The following MPZL1 variants were observed in gnomAD, a reference collection of about 807,000 sequenced individuals.
The protein encoded by MPZL1 is myelin protein zero like 1, also known as myelin protein zero-like protein 1.
Under a neutral mutation model 29.3 loss-of-function variants are expected in MPZL1, and 16 were observed. That is an observed-to-expected ratio of 0.55 (90% CI 0.37 to 0.83). MPZL1 has a LOEUF of 0.83. MPZL1 is among the 40% of genes least tolerant of loss of function. The probability of loss-of-function intolerance (pLI) is 0.00; values close to 1 mark genes in which losing one functional copy is unlikely to be tolerated. For synonymous variants in MPZL1, 143 were observed against 132.0 expected (o/e 1.08, Z -0.57); for missense variants, 279 against 332.9 (o/e 0.84, Z 1.26).
intron 5 of MPZL1, among the ~76,000 whole-genome samples, chr1:167,783,448 T>C (rs1661533894): frequency 6.6e-6 from 1 of 152,278 alleles, no homozygotes; most frequent in South Asian, 2.1e-4. Context: ...ATATCGTTGA[T>C]GCTCTGTATG....
chr1:167,763,224 C>T (rs1194215283), intron 1 of MPZL1, among the ~76,000 whole-genome samples: 1 of 152,044 alleles, frequency 6.6e-6, no homozygotes, highest in African/African-American at 2.4e-5. Flanking sequence ...TAAGAAAATC[C>T]TTGAAGAAGG....
Position 167,749,687 on chromosome 1 carries a change from A to G in MPZL1, c.92-15896A>G, listed in dbSNP as rs144217185. On this transcript the variant is annotated intron_variant, in intron 1 of 5. Transcript: ENST00000359523. ...AAAAAAAGAACTTCAGAATTGTTTA[A>G]ATTCTGTTTCTGTTCTCTATGATCT... is the stretch of plus-strand genomic sequence containing the variant. Among the ~76,000 whole-genome samples, 12 of 152,346 alleles carry G rather than the reference A, an allele frequency of 7.9e-5. No individual in the cohort carries two copies. In the East Asian group the frequency reaches 2.3e-3, roughly 29 times the overall value.
chr1:167,760,046 A>C (rs1273461063), intron 1 of MPZL1, among the ~76,000 whole-genome samples: 1 of 152,056 alleles, frequency 6.6e-6, no homozygotes. Context: ...CTCTCTGTGG[A>C]CTAGTTGCTG....
At chr1:167,727,200 G>C (rs570904906) in intron 1 of MPZL1, among the ~76,000 whole-genome samples, 31 of 152,282 alleles carry the variant, frequency 2.0e-4, no homozygotes, top group Admixed American at 3.9e-4. Context: ...AAATATTGCT[G>C]TTTCCCCTCT....
At chr1:167,787,646 T>C (rs1242265737) in intron 5 of MPZL1, among the ~76,000 whole-genome samples, 174 bp from the exon 6 acceptor site, 1 of 152,238 alleles carries the variant, frequency 6.6e-6, no homozygotes, top group Non-Finnish European at 1.5e-5. Flanking sequence ...TCCAATCTTG[T>C]TTCAAAGTCA....
intron 5 of MPZL1, among the ~76,000 whole-genome samples, chr1:167,778,992 C>T (rs1043293855): frequency 2.6e-5 from 4 of 151,524 alleles, no homozygotes; most frequent in Non-Finnish European, 4.4e-5. Context: ...CATGGTGGCA[C>T]GTGCCTGTAG....
intron 2 of MPZL1, among the ~76,000 whole-genome samples, chr1:167,770,215 G>C (rs1186113253): frequency 6.6e-6 from 1 of 152,038 alleles, no homozygotes; most frequent in South Asian, 2.1e-4. Context: ...GTGCTCAAAG[G>C]GTTCTGAAAA....
At position 167,791,761 on chromosome 1, in the gene MPZL1, TAG is replaced by T. The variant is rs1360084170; in HGVS notation, c.*3845_*3846del. ...TTCTCCCAGTCCCTTAGGAGCTGGT[TAG>T]AGAGTCCCTTAGGAACTTGAGAGGG... On this transcript the variant is annotated 3_prime_UTR_variant, in exon 6 of 6. Transcript: ENST00000359523. 1 of 152,168 alleles carries T rather than the reference TAG, an allele frequency of 6.6e-6. No individual in the cohort carries two copies. Among genetic ancestry groups the T allele is most frequent in the Non-Finnish European group, 1.5e-5 (1 of 68,030 alleles). The allele number at this position is 152,168 out of a possible 1,614,324, so 9.4% of individuals were successfully genotyped here. A position where few individuals can be genotyped will look rare whatever the true frequency, so the allele number is the denominator to read the frequency against.
chr1:167,768,195 T>C (rs1374730412), intron 2 of MPZL1, among the ~76,000 whole-genome samples: 1 of 152,186 alleles, frequency 6.6e-6, no homozygotes, highest in East Asian at 1.9e-4. Context: ...TAGATTCCCA[T>C]TGTGGACAAC....
intron 1 of MPZL1, among the ~76,000 whole-genome samples, chr1:167,762,846 A>G (rs1465371592): frequency 6.6e-6 from 1 of 152,214 alleles, no homozygotes; most frequent in East Asian, 1.9e-4. Context: ...TGACAAGAGT[A>G]GTATTAGAGA....
At chr1:167,772,210 A>G in intron 2 of MPZL1, 65 bp from the exon 3 acceptor site, 1 of 1,289,636 alleles carries the variant, frequency 7.8e-7, no homozygotes, top group South Asian at 1.3e-5. Context: ...CATAGCATGC[A>G]CATTACAGAG....
intron 1 of MPZL1, among the ~76,000 whole-genome samples, chr1:167,738,997 C>T (rs1486507001): frequency 1.3e-5 from 2 of 151,860 alleles, no homozygotes; most frequent in African/African-American, 2.4e-5. Flanking sequence ...GGCTGGAGTA[C>T]AGTGGCTCAA....
intron 5 of MPZL1, among the ~76,000 whole-genome samples, chr1:167,782,235 T>C (rs7522016): frequency 0.75 from 113,992 of 152,036 alleles, 43,277 homozygotes; most frequent in African/African-American, 0.86. Flanking sequence ...ATATACCTGG[T>C]TAATTTTGAT....
At chr1:167,756,661 T>C (rs2101773025) in intron 1 of MPZL1, among the ~76,000 whole-genome samples, 1 of 152,332 alleles carries the variant, frequency 6.6e-6, no homozygotes, top group South Asian at 2.1e-4. Context: ...ATGGCTGAGC[T>C]TATCTGAATT....
chr1:167,769,141 C>T (rs1278267894), intron 2 of MPZL1, among the ~76,000 whole-genome samples: 2 of 152,124 alleles, frequency 1.3e-5, no homozygotes, highest in Admixed American at 6.5e-5. Context: ...ATCAGGTAGG[C>T]GAATCTCACC....
At chr1:167,767,518 T>G (rs1661140597) in intron 2 of MPZL1, among the ~76,000 whole-genome samples, 1 of 152,234 alleles carries the variant, frequency 6.6e-6, no homozygotes, top group Non-Finnish European at 1.5e-5. Context: ...ATTAATATTT[T>G]TAGCTAATCA....
chr1:167,749,899 G>A (rs1045181475), intron 1 of MPZL1, among the ~76,000 whole-genome samples: 2 of 152,220 alleles, frequency 1.3e-5, no homozygotes, highest in Admixed American at 1.3e-4. Flanking sequence ...GGAGTAGACA[G>A]TAAGAATGTT....
chr1:167,781,727 G>A (rs753835168), intron 5 of MPZL1, among the ~76,000 whole-genome samples: 2 of 152,092 alleles, frequency 1.3e-5, no homozygotes, highest in Non-Finnish European at 2.9e-5. Flanking sequence ...GAAGAGCTGT[G>A]GAAAAATCAG....
At chr1:167,775,760 G>A (rs1661352692) in intron 4 of MPZL1, among the ~76,000 whole-genome samples, 3 of 152,164 alleles carry the variant, frequency 2.0e-5, no homozygotes, top group Admixed American at 2.0e-4. Flanking sequence ...ACAGCAAAAG[G>A]ATAAATGTGT....
Sources: allele counts gnomAD v4.1 joint callset (sites outside exome capture counted in the v4.1 genomes callset), GRCh38; gene constraint gnomAD v4.1.1; transcripts MANE v1.5; gene names NCBI Gene and HGNC (gene_info 2026-07-23, HGNC 2026-07-21).